ENTREP2: variants seen among roughly 807,000 people sequenced by gnomAD.
ENTREP2 encodes the protein protein ENTREP2.
the ENTREP2 span, among the ~76,000 whole-genome samples, chr15:29,327,284 A>G: frequency 6.6e-6 from 1 of 152,154 alleles, no homozygotes; most frequent in African/African-American, 2.4e-5. Context: ...TAAGAAAACA[A>G]AATGTCTAAC....
chr15:29,137,148 G>A, the ENTREP2 span: 1 of 1,481,268 alleles, frequency 6.8e-7, no homozygotes, highest in Non-Finnish European at 8.9e-7. Flanking sequence ...GGTGCCGTGA[G>A]GAGTCACGCA....
At chr15:29,556,249 C>A in the ENTREP2 span, among the ~76,000 whole-genome samples, 2 of 152,038 alleles carry the variant, frequency 1.3e-5, no homozygotes, top group African/African-American at 4.8e-5. Context: ...AGAGAGAGAC[C>A]CTGTTGGAAG....
At chr15:29,462,243 T>G in the ENTREP2 span, among the ~76,000 whole-genome samples, 1 of 152,174 alleles carries the variant, frequency 6.6e-6, no homozygotes, top group South Asian at 2.1e-4. Context: ...AGCCTCTGCT[T>G]TCCATCCTTT....
At chr15:29,324,839 T>C in the ENTREP2 span, among the ~76,000 whole-genome samples, 1 of 152,194 alleles carries the variant, frequency 6.6e-6, no homozygotes, top group Non-Finnish European at 1.5e-5. Flanking sequence ...TTCTTAGTAA[T>C]TGATACATCA....
At chr15:29,473,815 C>T in the ENTREP2 span, among the ~76,000 whole-genome samples, 2 of 152,184 alleles carry the variant, frequency 1.3e-5, no homozygotes, top group Non-Finnish European at 2.9e-5. Flanking sequence ...AGCCACGGCC[C>T]CATCTCCCGG....
chr15:29,381,616 C>T, the ENTREP2 span, among the ~76,000 whole-genome samples: 7 of 152,276 alleles, frequency 4.6e-5, no homozygotes, highest in Admixed American at 1.3e-4. Context: ...CAGTGCTTCT[C>T]ACAAGCCCAT....
At chr15:29,430,102 C>T in the ENTREP2 span, among the ~76,000 whole-genome samples, 1 of 152,130 alleles carries the variant, frequency 6.6e-6, no homozygotes, top group African/African-American at 2.4e-5. Flanking sequence ...ATGGAGGAAG[C>T]GGAAACAAGA....
At chr15:29,226,012 C>G in the ENTREP2 span, among the ~76,000 whole-genome samples, 1 of 152,200 alleles carries the variant, frequency 6.6e-6, no homozygotes, top group South Asian at 2.1e-4. Flanking sequence ...CCACAGCCCC[C>G]CACGTCTTTC....
chr15:29,572,526 G>C, the ENTREP2 span, among the ~76,000 whole-genome samples: 4 of 149,980 alleles, frequency 2.7e-5, no homozygotes. Flanking sequence ...AGTTCATAAA[G>C]AGCTCTCTAA....
At chr15:29,467,009 CCCCAGGGGAG>C in the ENTREP2 span, among the ~76,000 whole-genome samples, 1 of 142,618 alleles carries the variant, frequency 7.0e-6, no homozygotes, top group African/African-American at 2.6e-5. Context: ...ATGCTGATGG[CCCCAGGGGAG>C]GGCCCAGGGG....
the ENTREP2 span, among the ~76,000 whole-genome samples, chr15:29,553,429 T>C: frequency 6.6e-6 from 1 of 152,170 alleles, no homozygotes; most frequent in Non-Finnish European, 1.5e-5. Context: ...ATGATACTAA[T>C]AGTAATCTGA....
the ENTREP2 span, among the ~76,000 whole-genome samples, chr15:29,338,693 G>A: frequency 6.6e-6 from 1 of 152,202 alleles, no homozygotes; most frequent in African/African-American, 2.4e-5. Context: ...CACCCAGCTT[G>A]ATGTTCCTTC....
the ENTREP2 span, chr15:29,196,399 T>G: frequency 1.9e-6 from 3 of 1,546,914 alleles, no homozygotes; most frequent in Non-Finnish European, 1.7e-6. Context: ...TGGAATGAAA[T>G]GCATGCACAA....
At chr15:29,180,095 CA>C in the ENTREP2 span, among the ~76,000 whole-genome samples, 1 of 152,118 alleles carries the variant, frequency 6.6e-6, no homozygotes, top group African/African-American at 2.4e-5. Flanking sequence ...CAGGAGGACA[CA>C]TGGACAAACC....
At chr15:29,203,989 C>G in the ENTREP2 span, among the ~76,000 whole-genome samples, 2 of 152,142 alleles carry the variant, frequency 1.3e-5, no homozygotes, top group Non-Finnish European at 2.9e-5. Flanking sequence ...ATAAAATAAC[C>G]CTTCAATGAC....
the ENTREP2 span, among the ~76,000 whole-genome samples, chr15:29,444,206 G>GAAAGAAAGAAAGA: frequency 5.7e-4 from 83 of 144,650 alleles, no homozygotes; most frequent in African/African-American, 2.2e-3. Context: ...AAGAAAGAAA[G>GAAAGAAAGAAAGA]AAAGAAAGAA....
the ENTREP2 span, among the ~76,000 whole-genome samples, chr15:29,207,527 C>CT: frequency 5.3e-4 from 80 of 152,136 alleles, no homozygotes; most frequent in South Asian, 2.1e-4. Flanking sequence ...TCAGAATGCC[C>CT]TTTTCTCAAT....
At chr15:29,629,710 C>T in the ENTREP2 span, among the ~76,000 whole-genome samples, 8 of 152,242 alleles carry the variant, frequency 5.3e-5, no homozygotes, top group East Asian at 3.9e-4. Context: ...TAGTCTATTA[C>T]GTTTGCCCTT....
the ENTREP2 span, among the ~76,000 whole-genome samples, chr15:29,365,003 A>G: frequency 6.6e-6 from 1 of 152,142 alleles, no homozygotes; most frequent in Admixed American, 6.5e-5. Flanking sequence ...ATGCATAATG[A>G]CCTGTATCCA....
Sources: allele counts gnomAD v4.1 joint callset (sites outside exome capture counted in the v4.1 genomes callset), GRCh38; gene constraint gnomAD v4.1.1; transcripts MANE v1.5; gene names NCBI Gene and HGNC (gene_info 2026-07-23, HGNC 2026-07-21).